The following FAM78B variants were observed in gnomAD, a reference collection of about 807,000 sequenced individuals.
FAM78B encodes protein FAM78B.
Under a neutral mutation model 20.0 loss-of-function variants are expected in FAM78B, and 10 were observed. The observed-to-expected ratio is 0.50, with a 90% CI of 0.31 to 0.85. FAM78B has a LOEUF of 0.85. Among genes scored for constraint, FAM78B ranks in the 40% least tolerant of loss-of-function variants. FAM78B has a pLI of 0.05. For synonymous variants in FAM78B, 135 were observed against 132.8 expected (o/e 1.02, Z -0.12); for missense variants, 283 against 345.0 (o/e 0.82, Z 1.42).
chr1:166,077,710 T>C (rs1329969859), intron 1 of FAM78B, among the ~76,000 whole-genome samples: 2 of 139,278 alleles, frequency 1.4e-5, no homozygotes, highest in Non-Finnish European at 3.1e-5. Context: ...AATAAATACA[T>C]ATAATTACAT....
chr1:166,077,779 T>C (rs1019801172), intron 1 of FAM78B, among the ~76,000 whole-genome samples: 2 of 136,264 alleles, frequency 1.5e-5, no homozygotes, highest in Admixed American at 7.9e-5. Context: ...GAATTATATA[T>C]AATAAATACA....
chr1:166,127,541 A>G (rs1654688802), intron 1 of FAM78B, among the ~76,000 whole-genome samples: 1 of 152,174 alleles, frequency 6.6e-6, no homozygotes, highest in Non-Finnish European at 1.5e-5. Context: ...GGCCTACTGT[A>G]TGTGCTCACA....
intron 1 of FAM78B, among the ~76,000 whole-genome samples, chr1:166,106,137 A>T (rs1179904256): frequency 1.4e-5 from 2 of 147,838 alleles, no homozygotes; most frequent in African/African-American, 5.0e-5. Flanking sequence ...GTTCTCACTC[A>T]CAGGTGGGAA....
intron 1 of FAM78B, 71 bp downstream of exon 1, chr1:166,165,915 A>AG (rs1186517329): frequency 2.2e-5 from 35 of 1,575,388 alleles, no homozygotes; most frequent in Non-Finnish European, 2.9e-5. Context: ...GGAGCTGGGG[A>AG]GGGGGGTCAA....
At chr1:166,117,767 G>A (rs1203587023) in intron 1 of FAM78B, among the ~76,000 whole-genome samples, 2 of 152,118 alleles carry the variant, frequency 1.3e-5, no homozygotes, top group Admixed American at 1.3e-4. Context: ...TAAATGAATT[G>A]GGACCTAGGG....
chr1:166,097,526 G>T (rs971719932), intron 1 of FAM78B, among the ~76,000 whole-genome samples: 1 of 151,868 alleles, frequency 6.6e-6, no homozygotes, highest in South Asian at 2.1e-4. Context: ...GGGGAGCATG[G>T]TGGGAGTGAG....
At chr1:166,126,354 A>G (rs1248941877) in intron 1 of FAM78B, among the ~76,000 whole-genome samples, 2 of 152,230 alleles carry the variant, frequency 1.3e-5, no homozygotes, top group Admixed American at 1.3e-4. Flanking sequence ...TCTGACTTGT[A>G]TATGGACAAG....
At chr1:166,109,837 T>TAC (rs1653941220) in intron 1 of FAM78B, among the ~76,000 whole-genome samples, 1 of 17,148 alleles carries the variant, frequency 5.8e-5, no homozygotes, top group Non-Finnish European at 1.1e-4. Flanking sequence ...TATATGTATA[T>TAC]ATGTATATAT....
intron 1 of FAM78B, among the ~76,000 whole-genome samples, chr1:166,076,456 T>C (rs907960853): frequency 2.6e-5 from 4 of 152,168 alleles, no homozygotes; most frequent in Non-Finnish European, 5.9e-5. Flanking sequence ...TTGGCCCAAA[T>C]ACCACGTTCT....
intron 1 of FAM78B, among the ~76,000 whole-genome samples, chr1:166,145,901 A>G (rs1424829823): frequency 6.6e-6 from 1 of 152,180 alleles, no homozygotes; most frequent in Non-Finnish European, 1.5e-5. Context: ...GACAATAAAT[A>G]TATTAAGGGG....
chr1:166,103,698 G>C (rs963855025), intron 1 of FAM78B, among the ~76,000 whole-genome samples: 10 of 152,178 alleles, frequency 6.6e-5, no homozygotes, highest in Non-Finnish European at 1.3e-4. Context: ...CTCTGAAATT[G>C]AGGCAATAAT....
intron 1 of FAM78B, among the ~76,000 whole-genome samples, chr1:166,132,071 C>T (rs2101779988): frequency 6.6e-6 from 1 of 152,316 alleles, no homozygotes; most frequent in East Asian, 1.9e-4. Context: ...ATTTTAAAAA[C>T]TTGTCAGCAG....
At chr1:166,110,202 A>T (rs1466095747) in intron 1 of FAM78B, among the ~76,000 whole-genome samples, 1 of 151,600 alleles carries the variant, frequency 6.6e-6, no homozygotes, top group Non-Finnish European at 1.5e-5. Context: ...AAATCTCACA[A>T]ATCACCACTT....
At chr1:166,163,692 A>G (rs753144035) in intron 1 of FAM78B, among the ~76,000 whole-genome samples, 7 of 152,238 alleles carry the variant, frequency 4.6e-5, no homozygotes, top group Non-Finnish European at 7.3e-5. Context: ...TTACACTAGC[A>G]AAATTTTCCA....
rs1013183882 is a variant in FAM78B at position 166,141,535 on chromosome 1, G to A, written c.263+24451C>T. Among the ~76,000 whole-genome samples the A allele has an allele frequency of 3.9e-5, 6 of 152,304 alleles. No individual in the cohort carries two copies. The East Asian group carries it at 7.7e-4, about 20-fold the overall frequency. On this transcript the variant is annotated intron_variant, in intron 1 of 1. Transcript: ENST00000354422. ...TGTAACTGAGTGTTTACTATGTGCCGGTAGCTAGGCCCATAATAGGTACTG... is the reference window on the plus strand; with the variant it reads ...TGTAACTGAGTGTTTACTATGTGCCAGTAGCTAGGCCCATAATAGGTACTG...
chr1:166,162,764 C>A (rs1175129941), intron 1 of FAM78B, among the ~76,000 whole-genome samples: 1 of 152,100 alleles, frequency 6.6e-6, no homozygotes, highest in African/African-American at 2.4e-5. Flanking sequence ...CCCAAGCTAC[C>A]TTTCAAACCT....
At chr1:166,087,109 A>G (rs1173085400) in intron 1 of FAM78B, 1 of 151,666 alleles carries the variant, frequency 6.6e-6, no homozygotes, top group Non-Finnish European at 1.5e-5. Context: ...TCTTTCACCC[A>G]GGCTGGAGTG....
chr1:166,165,452 G>C (rs1032889391), intron 1 of FAM78B, among the ~76,000 whole-genome samples: 7 of 152,116 alleles, frequency 4.6e-5, no homozygotes, highest in African/African-American at 1.7e-4. Flanking sequence ...TGGCCCGGGG[G>C]ACAAGGGTTC....
At chr1:166,161,835 G>C (rs913069758) in intron 1 of FAM78B, among the ~76,000 whole-genome samples, 2 of 152,184 alleles carry the variant, frequency 1.3e-5, no homozygotes, top group Admixed American at 1.3e-4. Flanking sequence ...TCGAGAGTTC[G>C]GGTCTGGATA....
Sources: allele counts gnomAD v4.1 joint callset (sites outside exome capture counted in the v4.1 genomes callset), GRCh38; gene constraint gnomAD v4.1.1; transcripts MANE v1.5; gene names NCBI Gene and HGNC (gene_info 2026-07-23, HGNC 2026-07-21).